The following CYB5R3 variants were observed in gnomAD, a reference collection of about 807,000 sequenced individuals.
The protein encoded by CYB5R3 is cytochrome b5 reductase 3, also known as NADH-cytochrome b5 reductase 3.
In CYB5R3, 28 loss-of-function variants were observed where a neutral mutation model predicts 36.5. That is an observed-to-expected ratio of 0.77 (90% CI 0.57 to 1.05). The LOEUF (loss-of-function observed/expected upper bound fraction) is 1.05. Among genes scored for constraint, CYB5R3 ranks in the 50% least tolerant of loss-of-function variants. The probability of loss-of-function intolerance (pLI) is 0.00; values close to 1 mark genes in which losing one functional copy is unlikely to be tolerated. For synonymous variants in CYB5R3, 181 were observed against 159.8 expected, an observed-to-expected ratio of 1.13 and a Z score of -1.00; for missense variants, 474 against 408.9, an observed-to-expected ratio of 1.16 and a Z score of -1.37.
At chr22:42,639,651 G>T (rs539282978) in intron 1 of CYB5R3, among the ~76,000 whole-genome samples, 5 of 151,932 alleles carry the variant, frequency 3.3e-5, no homozygotes, top group Non-Finnish European at 7.4e-5. Flanking sequence ...ATTGAATAAG[G>T]CTTGTGGATT....
At chr22:42,640,935 C>T (rs1929235943) in intron 1 of CYB5R3, among the ~76,000 whole-genome samples, 1 of 152,074 alleles carries the variant, frequency 6.6e-6, no homozygotes, top group South Asian at 2.1e-4. Flanking sequence ...CAGCTCACTG[C>T]AACCTCCAAC....
chr22:42,623,778 C>A lies in CYB5R3; in HGVS notation c.733+11G>T. The A allele has an allele frequency of 6.2e-7, 1 of 1,612,612 alleles. No homozygotes were observed. Among genetic ancestry groups the A allele is most frequent in the Admixed American group, 1.7e-5 (1 of 60,024 alleles). ...CTCCCACCCACCCAGTGAGGGGCCT[C>A]CCTCACTCACCTTCAGGGGCTCTGT... On this transcript the variant is annotated intron_variant, in intron 8 of 8. Coordinates refer to ENST00000352397, the MANE Select transcript of CYB5R3 (RefSeq NM_000398.7).
intron 8 of CYB5R3, among the ~76,000 whole-genome samples, chr22:42,622,462 G>A (rs1265090356): frequency 6.6e-6 from 1 of 152,188 alleles, no homozygotes; most frequent in African/African-American, 2.4e-5. Flanking sequence ...CAGCCGACCT[G>A]GAGGGGGTGG....
intron 3 of CYB5R3, 146 bp from the exon 4 acceptor site, chr22:42,631,134 G>T: frequency 1.2e-6 from 1 of 837,666 alleles, no homozygotes. Flanking sequence ...CCCCTCCCGG[G>T]GATTCCCCTC....
At position 42,619,851 on chromosome 22, in the gene CYB5R3, G is replaced by A. The variant is rs1401101012; in HGVS notation, c.828C>T (p.Pro276=). ...EEEPLVLMCG[P]PPMIQYACLP... is the part of the protein sequence containing the mutation. ...GGCAGGCGTACTGGATCATGGGTGG[G>A]GGGCCACACATCAGCACCAGCGGCT... The change falls in exon 9 of 9, where the codon CCC becomes CCT. Residue 276 remains proline, a synonymous_variant. Transcript: ENST00000352397. The A allele has an allele frequency of 3.1e-6, 5 of 1,605,906 alleles. No homozygotes were observed. The highest frequency in any genetic ancestry group is 2.2e-5 in the East Asian group (1 of 44,604).
intron 2 of CYB5R3, among the ~76,000 whole-genome samples, chr22:42,635,560 G>C (rs994467545): frequency 6.6e-6 from 1 of 152,146 alleles, no homozygotes; most frequent in African/African-American, 2.4e-5. Flanking sequence ...TTTTCATTTT[G>C]TATTTTTTTG....
At chr22:42,640,823 T>G (rs188316253) in intron 1 of CYB5R3, among the ~76,000 whole-genome samples, 2 of 152,162 alleles carry the variant, frequency 1.3e-5, no homozygotes, top group East Asian at 3.9e-4. Flanking sequence ...TCTTAATGAA[T>G]AGTAAATATG....
rs8190459 is a variant in CYB5R3 at position 42,624,137 on chromosome 22, G to A, written c.634-249C>T. Among the ~76,000 whole-genome samples, 274 of 152,346 alleles carry A rather than the reference G, an allele frequency of 1.8e-3. 5 individuals carry two copies. The East Asian group carries it at 0.044, about 24-fold the overall frequency. On this transcript the variant is annotated intron_variant, in intron 7 of 8. Coordinates refer to ENST00000352397, the MANE Select transcript of CYB5R3 (RefSeq NM_000398.7). ...ACTCAGTGTGTCAACTGCTTCTGCT[G>A]TTGTGAGGAAATGGGCTCGATGTCC... is the stretch of plus-strand genomic sequence containing the variant.
At chr22:42,636,212 G>A (rs1042512803) in intron 2 of CYB5R3, among the ~76,000 whole-genome samples, 19 of 151,164 alleles carry the variant, frequency 1.3e-4, no homozygotes, top group African/African-American at 3.9e-4. Flanking sequence ...GCAAGACTCT[G>A]TCTCAAAAAA....
chr22:42,630,477 T>C (rs982677828), intron 4 of CYB5R3, among the ~76,000 whole-genome samples: 7 of 152,192 alleles, frequency 4.6e-5, no homozygotes, highest in African/African-American at 1.7e-4. Context: ...GACTGCGCCG[T>C]CACACCTCGC....
intron 7 of CYB5R3, among the ~76,000 whole-genome samples, chr22:42,626,668 C>A (rs1297710799): frequency 2.6e-5 from 4 of 152,202 alleles, no homozygotes; most frequent in African/African-American, 9.7e-5. Context: ...CATCCAAGGA[C>A]CTCAGGCAAG....
chr22:42,648,463 C>G (rs532131854), intron 1 of CYB5R3, among the ~76,000 whole-genome samples: 3 of 152,288 alleles, frequency 2.0e-5, no homozygotes, highest in African/African-American at 7.2e-5. Flanking sequence ...AGGAGGTGGC[C>G]TGGGGGGAAG....
chr22:42,628,397 C>T, intron 4 of CYB5R3, 116 bp from the exon 5 acceptor site: 2 of 1,366,438 alleles, frequency 1.5e-6, no homozygotes, highest in African/African-American at 2.9e-5. Context: ...CACACATGGC[C>T]TTCTCCCGTG....
intron 4 of CYB5R3, among the ~76,000 whole-genome samples, chr22:42,628,665 G>A (rs888928604): frequency 6.6e-6 from 1 of 152,176 alleles, no homozygotes; most frequent in Non-Finnish European, 1.5e-5. Context: ...CCTCCTGGTG[G>A]ACACTCAGTC....
At chr22:42,629,954 T>C (rs775136241) in intron 4 of CYB5R3, among the ~76,000 whole-genome samples, 6 of 152,052 alleles carry the variant, frequency 3.9e-5, no homozygotes, top group African/African-American at 2.4e-5. Context: ...CGCACCACCA[T>C]GCCCAGCTAA....
At chr22:42,627,237 C>T (rs1305011154) in intron 7 of CYB5R3, 67 bp downstream of exon 7, 11 of 1,360,160 alleles carry the variant, frequency 8.1e-6, no homozygotes, top group Non-Finnish European at 1.0e-5. Flanking sequence ...TGGAACAGCA[C>T]CTGACCAGGC....
chr22:42,625,386 T>C (rs1348386163), intron 7 of CYB5R3, among the ~76,000 whole-genome samples: 1 of 151,982 alleles, frequency 6.6e-6, no homozygotes, highest in Non-Finnish European at 1.5e-5. Flanking sequence ...CGGGCACCTG[T>C]AATCGCAGCT....
chr22:42,636,391 T>C (rs1041543089), intron 2 of CYB5R3, among the ~76,000 whole-genome samples: 1 of 152,080 alleles, frequency 6.6e-6, no homozygotes, highest in Non-Finnish European at 1.5e-5. Flanking sequence ...GGAGGAGACC[T>C]TATCTTCAAA....
chr22:42,623,956 A>C, intron 7 of CYB5R3, 68 bp from the exon 8 acceptor site: 1 of 1,411,100 alleles, frequency 7.1e-7, no homozygotes, highest in Non-Finnish European at 1.0e-6. Context: ...CACTCAACAG[A>C]GACGCGCCTC....
Sources: allele counts gnomAD v4.1 joint callset (sites outside exome capture counted in the v4.1 genomes callset), GRCh38; gene constraint gnomAD v4.1.1; transcripts MANE v1.5; gene names NCBI Gene and HGNC (gene_info 2026-07-23, HGNC 2026-07-21).